The following CCND2 variants were observed in gnomAD, a reference collection of about 807,000 sequenced individuals.
The protein encoded by CCND2 is G1/S-specific cyclin-D2.
A neutral mutation model predicts 30.2 loss-of-function variants in CCND2; 6 were observed. The observed-to-expected ratio is 0.20, with a 90% CI of 0.11 to 0.39. CCND2 has a LOEUF of 0.39. CCND2 is among the 10% of genes least tolerant of loss of function. The pLI, the probability that CCND2 is intolerant of heterozygous loss-of-function variation, is 1.00. For synonymous variants in CCND2, 150 were observed against 153.1 expected (o/e 0.98, Z 0.15); for missense variants, 235 against 373.4 (o/e 0.63, Z 3.06).
At position 4,278,699 on chromosome 12, in the gene CCND2, C is replaced by T; in HGVS notation, c.412-61C>T. On this transcript the variant is annotated intron_variant, in intron 2 of 4. Transcript: ENST00000261254. ...GGTCTGGAGCCCAACCCCCAGCCCC[C>T]TACACCAGGTCAGCCTGTGGAATTT... 3.8e-6 allele frequency: 6 copies of T among 1,580,120 alleles called. No individual in the cohort carries two copies. The South Asian group carries it at 4.6e-5, about 12-fold the overall frequency.
At chr12:4,296,845 G>A (rs1196968056) in intron 4 of CCND2, among the ~76,000 whole-genome samples, 1 of 152,190 alleles carries the variant, frequency 6.6e-6, no homozygotes, top group Non-Finnish European at 1.5e-5. Flanking sequence ...AACAGAGAAA[G>A]AAGAAAATAT....
chr12:4,284,463 GC>G (rs1189756252), intron 3 of CCND2, among the ~76,000 whole-genome samples: 2 of 152,216 alleles, frequency 1.3e-5, no homozygotes, highest in East Asian at 3.8e-4. Flanking sequence ...GGAGCCCTAG[GC>G]CCTGGGACGG....
At chr12:4,277,071 G>A (rs973983949) in intron 2 of CCND2, among the ~76,000 whole-genome samples, 1 of 152,220 alleles carries the variant, frequency 6.6e-6, no homozygotes, top group Admixed American at 6.5e-5. Flanking sequence ...CTGGCTTCTT[G>A]AACTGAGCTC....
At chr12:4,279,005 C>G (rs979217904) in intron 3 of CCND2, 86 bp downstream of exon 3, 2 of 1,370,328 alleles carry the variant, frequency 1.5e-6, no homozygotes, top group Admixed American at 2.1e-5. Flanking sequence ...TAGGAACTTT[C>G]ATTTTAGTTC....
chr12:4,274,509 G>A lies in CCND2; in HGVS notation c.195+274G>A, dbSNP rs1863835847. On this transcript the variant is annotated intron_variant, in intron 1 of 4. Transcript: ENST00000261254. This position sits in a 1 kb window ranked among gnomAD's most constrained non-coding sequence, Gnocchi z 7.7. ...TCCCGCGCGCGTGTTCCTGCATGTG[G>A]CTGCCTCTTCTTCCCACCCCCCTCG... Among the ~76,000 whole-genome samples, 1 of 152,232 alleles carries A rather than the reference G, an allele frequency of 6.6e-6. No individual in the cohort carries two copies. The highest frequency in any genetic ancestry group is 2.4e-5 in the African/African-American group (1 of 41,472).
chr12:4,301,868 G>GA lies in CCND2; in HGVS notation c.*1863dup. On this transcript the variant is annotated 3_prime_UTR_variant, in exon 5 of 5. Transcript: ENST00000261254. ...GTTGAGATATGAGTTCTTCGTACTG[G>GA]AAAAGCCCTTCCGTAGTTTGTTTTC... The GA allele has an allele frequency of 4.3e-6, 1 of 231,718 alleles. No homozygotes were observed. The highest frequency in any genetic ancestry group is 8.5e-6 in the Non-Finnish European group (1 of 117,478). The allele number at this position is 231,718 out of a possible 1,614,324, so 14.4% of individuals were successfully genotyped here. A position where few individuals can be genotyped will look rare whatever the true frequency, so the allele number is the denominator to read the frequency against.
chr12:4,279,839 A>G (rs1053526997), intron 3 of CCND2, among the ~76,000 whole-genome samples: 1 of 151,362 alleles, frequency 6.6e-6, no homozygotes. Flanking sequence ...AAAGCTGATC[A>G]CTTGGGAAGA....
At chr12:4,292,080 T>G (rs1401727222) in intron 4 of CCND2, among the ~76,000 whole-genome samples, 1 of 152,122 alleles carries the variant, frequency 6.6e-6, no homozygotes, top group African/African-American at 2.4e-5. Flanking sequence ...CACTGTACAT[T>G]TAAAAGTGGC....
At chr12:4,280,310 A>C (rs937710745) in intron 3 of CCND2, among the ~76,000 whole-genome samples, 4 of 152,216 alleles carry the variant, frequency 2.6e-5, no homozygotes, top group African/African-American at 7.2e-5. Context: ...GGCTGCCCTT[A>C]CGTGTTTCTA....
chr12:4,291,641 C>A (rs1203098609), intron 4 of CCND2, among the ~76,000 whole-genome samples: 1 of 152,136 alleles, frequency 6.6e-6, no homozygotes, highest in African/African-American at 2.4e-5. Context: ...AGGAAATCAA[C>A]CCAAAAGAAG....
At chr12:4,298,364 G>T (rs1184167317) in intron 4 of CCND2, among the ~76,000 whole-genome samples, 2 of 152,172 alleles carry the variant, frequency 1.3e-5, no homozygotes, top group African/African-American at 4.8e-5. Context: ...AAATTTAGGG[G>T]TATGGAAATT....
intron 3 of CCND2, among the ~76,000 whole-genome samples, chr12:4,281,000 A>G (rs886242262): frequency 5.4e-4 from 82 of 152,312 alleles, no homozygotes; most frequent in African/African-American, 2.0e-3. Flanking sequence ...CTCCGGGGCC[A>G]GAGTAGGGAG....
Position 4,300,250 on chromosome 12 carries a change from T to G in CCND2, c.*241T>G. 1 of 426,230 alleles carries G rather than the reference T, an allele frequency of 2.3e-6. No individual in the cohort carries two copies. The highest frequency in any genetic ancestry group is 4.2e-6 in the Non-Finnish European group (1 of 238,172). The allele number at this position is 426,230 out of a possible 1,614,324, so 26.4% of individuals were successfully genotyped here. The stretch of plus-strand genomic sequence containing the variant: ...GGGAATCCCTTGTATATGCGAACAG[T>G]TATTGTTTGATTATGTAAAAGTAAT... On this transcript the variant is annotated 3_prime_UTR_variant, in exon 5 of 5. Transcript: ENST00000261254.
In CCND2 at chr12:4,279,087, A is replaced by G. The variant is rs3217809; in HGVS notation, c.571+168A>G. On this transcript the variant is annotated intron_variant, in intron 3 of 4. Coordinates refer to ENST00000261254, the MANE Select transcript of CCND2 (RefSeq NM_001759.4). ...TTCATTCCTGGGTTGCTTTTTCTTT[A>G]TCTGAGCTTTATATATTCGCTTTCT... Among the ~76,000 whole-genome samples the G allele has an allele frequency of 6.8e-3, 1,037 of 152,294 alleles. 12 individuals are homozygous for G. The highest frequency in any genetic ancestry group is 0.024 in the African/African-American group (993 of 41,556).
chr12:4,289,911 C>T (rs1222143751), intron 4 of CCND2, among the ~76,000 whole-genome samples: 4 of 152,136 alleles, frequency 2.6e-5, no homozygotes, highest in Non-Finnish European at 5.9e-5. Flanking sequence ...TGTTGCCGCT[C>T]CTGGGATCTT....
At chr12:4,292,454 G>A (rs1017363093) in intron 4 of CCND2, among the ~76,000 whole-genome samples, 1 of 152,098 alleles carries the variant, frequency 6.6e-6, no homozygotes, top group African/African-American at 2.4e-5. Context: ...GTGGGTTGTC[G>A]GGGATCGAGC....
intron 2 of CCND2, among the ~76,000 whole-genome samples, chr12:4,277,520 T>G (rs939381004): frequency 3.9e-5 from 6 of 152,234 alleles, no homozygotes; most frequent in African/African-American, 1.4e-4. Flanking sequence ...TTCATTTGTT[T>G]CGAGAGGATG....
rs904938552 is a variant in CCND2 at position 4,299,571 on chromosome 12, A to C, written c.721-289A>C. 6.6e-6 allele frequency among the ~76,000 whole-genome samples: 1 copy of C among 152,132 alleles called. No homozygotes were observed. The highest frequency in any genetic ancestry group is 6.5e-5 in the Admixed American group (1 of 15,284). Reference sequence around the variant, plus strand: ...TTAGGCCAGTGCTTCTCAGAATGCCAATCACCTGGGCTCCACTAAAAGGCA... The same window carrying C: ...TTAGGCCAGTGCTTCTCAGAATGCCCATCACCTGGGCTCCACTAAAAGGCA... On this transcript the variant is annotated intron_variant, in intron 4 of 4. Transcript: ENST00000261254. The surrounding 1 kb of genome is among the most constrained non-coding windows in gnomAD (Gnocchi z 5.2).
rs1375368468 is a variant in CCND2 at position 4,303,186 on chromosome 12, CT to C, written c.*3178del. On this transcript the variant is annotated 3_prime_UTR_variant, in exon 5 of 5. Coordinates refer to ENST00000261254, the MANE Select transcript of CCND2 (RefSeq NM_001759.4). The surrounding 1 kb of genome is among the most constrained non-coding windows in gnomAD (Gnocchi z 4.6). ...CACTCTTCCTGTAGTCCCGAGGCCC[CT>C]GGGTCCTTCTAGCTTTTCTCTTTCC... The C allele has an allele frequency of 8.6e-6, 2 of 233,306 alleles. No individual in the cohort carries two copies. The highest frequency in any genetic ancestry group is 1.7e-5 in the Non-Finnish European group (2 of 118,148). The allele number at this position is 233,306 out of a possible 1,614,324, so 14.5% of individuals were successfully genotyped here. A position where few individuals can be genotyped will look rare whatever the true frequency, so the allele number is the denominator to read the frequency against.
Sources: gnomAD v4.1 joint callset for allele counts (sites outside exome capture counted in the v4.1 genomes callset) on GRCh38, gnomAD v4.1.1 for gene constraint, Gnocchi (gnomAD v3.1) non-coding constraint, MANE v1.5 for transcripts, NCBI Gene and HGNC (gene_info 2026-07-23, HGNC 2026-07-21) for gene names.